SEMA3D: variants seen among roughly 807,000 people sequenced by gnomAD.
The protein encoded by SEMA3D is semaphorin-3D.
A neutral mutation model predicts 100.1 loss-of-function variants in SEMA3D; 84 were observed. The observed-to-expected ratio is 0.84, with a 90% CI of 0.70 to 1.01. The LOEUF is 1.01. Ranked by LOEUF, SEMA3D falls within the 50% of genes least tolerant of loss-of-function variation. The pLI is 0.00. For synonymous variants in SEMA3D, 312 were observed against 320.7 expected (o/e 0.97, Z 0.29); for missense variants, 875 against 934.1 (o/e 0.94, Z 0.82).
In SEMA3D at chr7:85,186,800, C is replaced by T. The variant is rs1791567436; in HGVS notation, c.-295G>A. ...GGCACCGGCGCGCGTTCCTCTGAGC[C>T]GCAGCCCTGGCTGAGCAAGCGGAGC... On this transcript the variant is annotated 5_prime_UTR_variant, in exon 1 of 19. Coordinates refer to ENST00000284136, the MANE Select transcript of SEMA3D (RefSeq NM_001384900.1). 1 of 152,190 alleles carries T rather than the reference C, an allele frequency of 6.6e-6. No homozygotes were observed. Among genetic ancestry groups the T allele is most frequent in the Non-Finnish European group, 1.5e-5 (1 of 68,090 alleles). The allele number at this position is 152,190 out of a possible 1,614,324, so 9.4% of individuals were successfully genotyped here.
At chr7:85,147,092 CTTTTT>C (rs752922884) in intron 2 of SEMA3D, among the ~76,000 whole-genome samples, 7 of 48,176 alleles carry the variant, frequency 1.5e-4, no homozygotes, top group African/African-American at 5.8e-4. Flanking sequence ...TTTTTCTTTT[CTTTTT>C]TTTTTTTTTT....
At chr7:85,019,054 A>AT (rs1562784986) in intron 14 of SEMA3D, among the ~76,000 whole-genome samples, 2 of 151,726 alleles carry the variant, frequency 1.3e-5, no homozygotes, top group African/African-American at 4.8e-5. Context: ...ATCAAATAGC[A>AT]TTTTTGTTAT....
At chr7:85,158,093 G>A (rs56918106) in intron 1 of SEMA3D, among the ~76,000 whole-genome samples, 26,781 of 151,918 alleles carry the variant, frequency 0.18, 2,681 homozygotes, top group Non-Finnish European at 0.23. Context: ...TGATTATTGC[G>A]TTAACTGCAC....
intron 2 of SEMA3D, among the ~76,000 whole-genome samples, chr7:85,126,934 T>C (rs1296927313): frequency 6.6e-6 from 1 of 152,138 alleles, no homozygotes; most frequent in Non-Finnish European, 1.5e-5. Flanking sequence ...TATCCTATCC[T>C]TTCTAAGTTT....
At chr7:85,135,913 GA>G (rs1583956947) in intron 2 of SEMA3D, among the ~76,000 whole-genome samples, 1 of 151,882 alleles carries the variant, frequency 6.6e-6, no homozygotes, top group African/African-American at 2.4e-5. Context: ...AAATTAAGTA[GA>G]ATTTAAAGAC....
chr7:85,167,892 A>G (rs1397821990), intron 1 of SEMA3D, among the ~76,000 whole-genome samples: 2 of 151,900 alleles, frequency 1.3e-5, no homozygotes, highest in South Asian at 4.1e-4. Context: ...GTGTAAAAAC[A>G]TTATCTTTCT....
chr7:85,068,155 C>A (rs769360035), intron 7 of SEMA3D, 36 bp downstream of exon 7: 3 of 1,206,798 alleles, frequency 2.5e-6, no homozygotes, highest in Admixed American at 1.8e-5. Flanking sequence ...CTTAGAAAAC[C>A]ATTTAAGGAT....
At chr7:85,148,394 T>C (rs1184129493) in intron 2 of SEMA3D, among the ~76,000 whole-genome samples, 1 of 152,168 alleles carries the variant, frequency 6.6e-6, no homozygotes, top group Non-Finnish European at 1.5e-5. Flanking sequence ...AAGCAGGAAA[T>C]GGTTAACATC....
At position 85,151,978 on chromosome 7, in the gene SEMA3D, T is replaced by C. The variant is rs1012894838; in HGVS notation, c.-41+1630A>G. ...AATTATAGAATAGTTCATTATCTTA[T>C]AGCTTCTTGACTGAATATATGAAAA... On this transcript the variant is annotated intron_variant, in intron 2 of 18. Transcript: ENST00000284136. Among the ~76,000 whole-genome samples, 3 of 152,200 alleles carry C rather than the reference T, an allele frequency of 2.0e-5. 1 individual carries two copies. The highest frequency in any genetic ancestry group is 7.2e-5 in the African/African-American group (3 of 41,570).
the SEMA3D span, among the ~76,000 whole-genome samples, chr7:85,241,356 A>C: frequency 6.6e-6 from 1 of 151,380 alleles, no homozygotes; most frequent in South Asian, 2.1e-4. Flanking sequence ...TTATTATACA[A>C]AAAAGATACT....
chr7:85,177,791 G>A (rs531189610), intron 1 of SEMA3D, among the ~76,000 whole-genome samples: 1 of 152,198 alleles, frequency 6.6e-6, no homozygotes, highest in South Asian at 2.1e-4. Context: ...CAGAAAAAAT[G>A]GCAGCAAGGT....
chr7:85,174,593 A>G (rs1310386814), intron 1 of SEMA3D, among the ~76,000 whole-genome samples: 2 of 152,168 alleles, frequency 1.3e-5, no homozygotes, highest in Non-Finnish European at 2.9e-5. Flanking sequence ...GGTAACAACC[A>G]TTTGGTTTGT....
the SEMA3D span, among the ~76,000 whole-genome samples, chr7:85,233,242 A>G: frequency 7.3e-6 from 1 of 137,552 alleles, no homozygotes; most frequent in Non-Finnish European, 1.5e-5. Context: ...AGCGCGAATG[A>G]AAAAAAAAAA....
chr7:85,238,490 G>A, the SEMA3D span, among the ~76,000 whole-genome samples: 11 of 152,100 alleles, frequency 7.2e-5, no homozygotes, highest in Non-Finnish European at 1.5e-4. Flanking sequence ...TTGCTCTTTC[G>A]TCAAAAATCA....
chr7:85,142,701 A>G (rs939342238), intron 2 of SEMA3D: 1 of 980,534 alleles, frequency 1.0e-6, no homozygotes, highest in African/African-American at 1.8e-5. Flanking sequence ...TTTAGTGTCT[A>G]AAAACCCCAT....
chr7:85,002,651 T>C (rs1212641990), intron 18 of SEMA3D, among the ~76,000 whole-genome samples: 1 of 152,182 alleles, frequency 6.6e-6, no homozygotes, highest in Non-Finnish European at 1.5e-5. Context: ...TTTAAACTCT[T>C]GGAATTTTCT....
chr7:85,241,497 A>G, the SEMA3D span, among the ~76,000 whole-genome samples: 9 of 138,984 alleles, frequency 6.5e-5, no homozygotes, highest in Middle Eastern at 3.8e-3. Context: ...ATATATGAAT[A>G]CTACTCAGCA....
intron 12 of SEMA3D, among the ~76,000 whole-genome samples, chr7:85,033,729 C>A (rs1388108137): frequency 6.6e-6 from 1 of 151,574 alleles, no homozygotes; most frequent in Non-Finnish European, 1.5e-5. Context: ...AAACAAAAAA[C>A]CCCAAACCAA....
chr7:85,217,427 T>G, the SEMA3D span, among the ~76,000 whole-genome samples: 2 of 152,056 alleles, frequency 1.3e-5, no homozygotes, highest in African/African-American at 2.4e-5. Flanking sequence ...GATCTTATAG[T>G]TTAACAAAAA....
Sources: allele counts gnomAD v4.1 joint callset (sites outside exome capture counted in the v4.1 genomes callset), GRCh38; gene constraint gnomAD v4.1.1; transcripts MANE v1.5; gene names NCBI Gene and HGNC (gene_info 2026-07-23, HGNC 2026-07-21).